C12orf42: variants seen among roughly 807,000 people sequenced by gnomAD.
C12orf42 encodes chromosome 12 open reading frame 42, also known as uncharacterized protein C12orf42.
C12orf42 carries 25 observed loss-of-function variants against 21.6 expected under a neutral mutation model. That is an observed-to-expected ratio of 1.16 (90% confidence interval 0.84 to 1.62). C12orf42 has a LOEUF of 1.62. Ranked by LOEUF, C12orf42 falls within the 40% of genes most tolerant of loss-of-function variation. The pLI is 0.00. For missense variants in C12orf42, 483 were observed against 459.3 expected, an observed-to-expected ratio of 1.05 and a Z score of -0.47; for synonymous variants, 174 against 175.0, an observed-to-expected ratio of 0.99 and a Z score of 0.05.
At chr12:103,559,471 T>C in the C12orf42 span, 54,187 of 152,124 alleles carry the variant, frequency 0.36, 10,055 homozygotes, top group Non-Finnish European at 0.4. Flanking sequence ...ACCTTGAGCA[T>C]GACAGCTTTT....
the C12orf42 span, among the ~76,000 whole-genome samples, chr12:103,135,608 TCA>T: frequency 7.2e-5 from 11 of 152,230 alleles, no homozygotes; most frequent in South Asian, 2.3e-3. Flanking sequence ...GAATAAACTC[TCA>T]CATATCAATA....
At chr12:103,135,197 G>T in the C12orf42 span, among the ~76,000 whole-genome samples, 1 of 152,208 alleles carries the variant, frequency 6.6e-6, no homozygotes, top group Non-Finnish European at 1.5e-5. Flanking sequence ...GCTCATGCCT[G>T]TAATCCCAGC....
At chr12:103,372,065 ATCACCCTGGCC>A (rs557879222) in intron 3 of C12orf42, among the ~76,000 whole-genome samples, 3 of 152,184 alleles carry the variant, frequency 2.0e-5, no homozygotes, top group Admixed American at 6.5e-5. Context: ...AAACTAGAAG[ATCACCCTGGCC>A]TCCACTTCCT....
At chr12:103,208,450 C>T in the C12orf42 span, among the ~76,000 whole-genome samples, 2 of 152,156 alleles carry the variant, frequency 1.3e-5, no homozygotes, top group East Asian at 3.9e-4. Context: ...TTATATAAAC[C>T]ACAAAGTTTT....
chr12:103,436,751 G>C lies in C12orf42; in HGVS notation c.79-35076C>G, dbSNP rs996122161. On this transcript the variant is annotated intron_variant, in intron 2 of 5. Coordinates refer to ENST00000548883, the MANE Select transcript of C12orf42 (RefSeq NM_198521.5). ...ATACAGGAGCACCCAGATTCATAAA[G>C]CAAGTCCTACAAAGTGACCTACAAA... Among the ~76,000 whole-genome samples, 26 of 152,310 alleles carry C rather than the reference G, an allele frequency of 1.7e-4. 1 individual carries two copies. The highest frequency in any genetic ancestry group is 3.4e-3 in the Middle Eastern group (1 of 294).
At chr12:103,370,058 A>C (rs1314880123) in intron 3 of C12orf42, among the ~76,000 whole-genome samples, 6 of 152,212 alleles carry the variant, frequency 3.9e-5, no homozygotes, top group Non-Finnish European at 7.3e-5. Context: ...CACCATTACA[A>C]AGTGGACAAA....
At chr12:103,415,364 T>A (rs1211180756) in intron 2 of C12orf42, among the ~76,000 whole-genome samples, 1 of 152,054 alleles carries the variant, frequency 6.6e-6, no homozygotes, top group East Asian at 1.9e-4. Flanking sequence ...ATTAGACAAA[T>A]CATCAAGGCA....
chr12:103,526,303 C>T, the C12orf42 span, among the ~76,000 whole-genome samples: 3 of 152,256 alleles, frequency 2.0e-5, no homozygotes, highest in Admixed American at 2.0e-4. Flanking sequence ...CTCTGGTTGT[C>T]AGAAACCAGA....
chr12:103,375,495 T>C (rs570861528), intron 3 of C12orf42, among the ~76,000 whole-genome samples: 100 of 152,276 alleles, frequency 6.6e-4, no homozygotes, highest in Middle Eastern at 3.4e-3. Context: ...AAGTATAACT[T>C]ATAATGACCT....
At chr12:103,150,184 G>T in the C12orf42 span, among the ~76,000 whole-genome samples, 2 of 152,150 alleles carry the variant, frequency 1.3e-5, no homozygotes, top group Non-Finnish European at 2.9e-5. Flanking sequence ...TTTGGGGATT[G>T]ATTTATTTTT....
chr12:103,337,817 G>T (rs1444235618), intron 4 of C12orf42, among the ~76,000 whole-genome samples: 2 of 152,098 alleles, frequency 1.3e-5, no homozygotes, highest in African/African-American at 4.8e-5. Flanking sequence ...AAGCCATCCA[G>T]TATGAACCCC....
chr12:103,180,624 T>C, the C12orf42 span, among the ~76,000 whole-genome samples: 1 of 123,696 alleles, frequency 8.1e-6, no homozygotes, highest in Non-Finnish European at 1.7e-5. Context: ...CCTTTTTTTT[T>C]TTTTTTTTTT....
At chr12:103,062,035 A>G in the C12orf42 span, among the ~76,000 whole-genome samples, 1 of 151,998 alleles carries the variant, frequency 6.6e-6, no homozygotes, top group Non-Finnish European at 1.5e-5. Flanking sequence ...CAATGTTTAC[A>G]TGCATCATTG....
chr12:103,176,958 C>T, the C12orf42 span, among the ~76,000 whole-genome samples: 1 of 151,850 alleles, frequency 6.6e-6, no homozygotes, highest in African/African-American at 2.4e-5. Flanking sequence ...TGTTTGAAGC[C>T]AGCCATAAAA....
the C12orf42 span, among the ~76,000 whole-genome samples, chr12:103,158,628 C>T: frequency 2.6e-5 from 4 of 152,116 alleles, no homozygotes; most frequent in Non-Finnish European, 2.9e-5. Flanking sequence ...TGCCCAAAAT[C>T]CCAGCACTTT....
the C12orf42 span, among the ~76,000 whole-genome samples, chr12:103,105,518 T>TA: frequency 2.6e-5 from 4 of 151,818 alleles, no homozygotes; most frequent in Admixed American, 6.6e-5. Flanking sequence ...TGGGAAAGGT[T>TA]AAAAAAAATA....
the C12orf42 span, among the ~76,000 whole-genome samples, chr12:103,102,749 C>G: frequency 6.6e-6 from 1 of 152,194 alleles, no homozygotes; most frequent in African/African-American, 2.4e-5. Flanking sequence ...TCCTGTAGGT[C>G]AGATGTCAGG....
At chr12:103,444,106 CTGTT>C (rs1951429942) in intron 2 of C12orf42, among the ~76,000 whole-genome samples, 1 of 151,846 alleles carries the variant, frequency 6.6e-6, no homozygotes, top group African/African-American at 2.4e-5. Flanking sequence ...ATCAACTTTG[CTGTT>C]TGTTACCCAT....
chr12:103,069,494 C>G, the C12orf42 span, among the ~76,000 whole-genome samples: 1 of 152,096 alleles, frequency 6.6e-6, no homozygotes, highest in Admixed American at 6.6e-5. Flanking sequence ...TCATCTAATA[C>G]AAACTCTAGT....
Sources: allele counts gnomAD v4.1 joint callset (sites outside exome capture counted in the v4.1 genomes callset), GRCh38; gene constraint gnomAD v4.1.1; transcripts MANE v1.5; gene names NCBI Gene and HGNC (gene_info 2026-07-23, HGNC 2026-07-21).